Variants in NSUN3 observed in about 807,000 individuals in gnomAD.
NSUN3 encodes tRNA (cytosine(34)-C(5))-methyltransferase, mitochondrial.
A neutral mutation model predicts 36.8 loss-of-function variants in NSUN3; 24 were observed. The ratio of observed to expected loss-of-function variants is 0.65; its 90% confidence interval spans 0.47 to 0.92. The LOEUF (loss-of-function observed/expected upper bound fraction) is 0.92, where lower values mean the gene tolerates loss of function less well. NSUN3 is among the 40% of genes least tolerant of loss of function. The pLI is 0.00. For synonymous variants in NSUN3, 146 were observed against 145.2 expected, an observed-to-expected ratio of 1.01 and a Z score of -0.04; for missense variants, 381 against 392.8, an observed-to-expected ratio of 0.97 and a Z score of 0.25.
intron 5 of NSUN3, among the ~76,000 whole-genome samples, chr3:94,118,520 T>C (rs988974993): frequency 1.3e-5 from 2 of 152,142 alleles, no homozygotes; most frequent in Non-Finnish European, 2.9e-5. Flanking sequence ...TCATGCATTA[T>C]AGTTAGTGGT....
chr3:94,093,949 G>T (rs10934674), intron 3 of NSUN3, among the ~76,000 whole-genome samples, 191 bp from the exon 4 acceptor site: 27,427 of 152,132 alleles, frequency 0.18, 3,106 homozygotes, highest in Non-Finnish European at 0.24. Flanking sequence ...GTAGGTATGT[G>T]CATCTATATA....
At chr3:94,116,481 T>C (rs866341228) in intron 5 of NSUN3, among the ~76,000 whole-genome samples, 1 of 152,322 alleles carries the variant, frequency 6.6e-6, no homozygotes, top group Middle Eastern at 3.4e-3. Flanking sequence ...CAGTTTTCCT[T>C]AGAAAACTCT....
At position 94,129,742 on chromosome 3, in the gene NSUN3, C is replaced by CTTTTTTTTT. The variant is rs754390863; in HGVS notation, c.*3269_*3277dup. ...TCTATAAATTGTTTATATATGTTGT[C>CTTTTTTTTT]TTTTTTTTTTTTTTTTTTTTTTTTT... On this transcript the variant is annotated 3_prime_UTR_variant, in exon 6 of 6. Transcript: ENST00000314622. 3.3e-5 allele frequency among the ~76,000 whole-genome samples: 3 copies of CTTTTTTTTT among 89,926 alleles called. No individual in the cohort carries two copies. Among genetic ancestry groups the CTTTTTTTTT allele is most frequent in the African/African-American group, 8.8e-5 (2 of 22,828 alleles). The allele number at this position is 89,926 out of a possible 152,430, so 59.0% of individuals were successfully genotyped here.
intron 5 of NSUN3, among the ~76,000 whole-genome samples, chr3:94,108,320 C>A (rs1054192470): frequency 1.3e-5 from 2 of 152,144 alleles, no homozygotes; most frequent in Non-Finnish European, 2.9e-5. Context: ...CTCTTCCTGA[C>A]CTGCCTCTTA....
intron 1 of NSUN3, chr3:94,063,469 T>G (rs2077190277): frequency 3.1e-6 from 1 of 324,144 alleles, no homozygotes; most frequent in African/African-American, 2.1e-5. Flanking sequence ...CTTGGATGAA[T>G]AAATGAAACA....
At chr3:94,125,044 A>G (rs975030569) in intron 5 of NSUN3, among the ~76,000 whole-genome samples, 1 of 152,176 alleles carries the variant, frequency 6.6e-6, no homozygotes, top group Non-Finnish European at 1.5e-5. Context: ...AAATACTTCT[A>G]CAGAATATTC....
intron 5 of NSUN3, among the ~76,000 whole-genome samples, chr3:94,110,132 G>T (rs2077409802): frequency 1.3e-5 from 2 of 152,094 alleles, no homozygotes; most frequent in Non-Finnish European, 2.9e-5. Context: ...CCATTGTCTG[G>T]ACAAGAACAT....
intron 3 of NSUN3, among the ~76,000 whole-genome samples, chr3:94,092,082 T>G (rs1048621423): frequency 6.6e-6 from 1 of 152,220 alleles, no homozygotes; most frequent in African/African-American, 2.4e-5. Context: ...CCTTGGGTAC[T>G]GTCTGGTTTT....
chr3:94,075,882 T>C, intron 2 of NSUN3: 1 of 1,284,904 alleles, frequency 7.8e-7, no homozygotes, highest in Non-Finnish European at 1.1e-6. Flanking sequence ...AAGGGGAGTC[T>C]AAAATCACAA....
rs2077503576 is a variant in NSUN3, at chr3:94,130,012, C to T, written c.*3522C>T. Among the ~76,000 whole-genome samples, 1 of 151,984 alleles carries T rather than the reference C, an allele frequency of 6.6e-6. No individual in the cohort carries two copies. The highest frequency in any genetic ancestry group is 2.4e-5 in the African/African-American group (1 of 41,384). On this transcript the variant is annotated 3_prime_UTR_variant, in exon 6 of 6. Coordinates refer to ENST00000314622, the MANE Select transcript of NSUN3 (RefSeq NM_022072.5). ...CTTGTCATCCACCTGCCTCAGCCTC[C>T]CAAAGTGCTGGGATTACAGGCGTGA...
chr3:94,064,616 G>A, intron 2 of NSUN3, 70 bp downstream of exon 2: 1 of 966,774 alleles, frequency 1.0e-6, no homozygotes, highest in Non-Finnish European at 1.6e-6. Flanking sequence ...TTTTGTGGGA[G>A]GGATGCTGTG....
Position 94,094,277 on chromosome 3 carries a change from C to G in NSUN3, c.604C>G (p.Pro202Ala). ...LDGRKMGDAQ[P>A]EMFDKVLVDA... ...TGGCAGAAAAATGGGAGATGCCCAGCCTGAAATGTTTGACAAGGTACTTTT... is the reference window on the plus strand; with the variant it reads ...TGGCAGAAAAATGGGAGATGCCCAGGCTGAAATGTTTGACAAGGTACTTTT... The change falls in exon 4 of 6, where the codon CCT becomes GCT. Residue 202 changes from proline to alanine, a missense_variant. Coordinates refer to ENST00000314622, the MANE Select transcript of NSUN3 (RefSeq NM_022072.5). The G allele has an allele frequency of 1.2e-6, 2 of 1,612,214 alleles. No homozygotes were observed. Among genetic ancestry groups the G allele is most frequent in the Non-Finnish European group, 1.7e-6 (2 of 1,179,442 alleles).
rs980653501 is a variant in NSUN3, at chr3:94,126,468, C to A, written c.1001C>A (p.Ser334Ter). Residue 334 changes from serine to a stop codon, truncating the protein, a stop_gained, in exon 6 of 6, where the codon TCA (serine) becomes TAA (stop). Coordinates refer to ENST00000314622, the MANE Select transcript of NSUN3 (RefSeq NM_022072.5). LOFTEE classifies it low-confidence loss of function (END_TRUNC). ...ATGTATGTAGCCAAATTGAAGAAAT[C>A]ATGGAGCACAGGAAAATGGTGACAT... The part of the protein sequence containing the change: ...GPMYVAKLKK[S>*]WSTGKW The A allele has an allele frequency of 2.5e-6, 4 of 1,608,930 alleles. No individual in the cohort carries two copies. In the African/African-American group the frequency reaches 5.3e-5, roughly 22 times the overall value.
intron 5 of NSUN3, among the ~76,000 whole-genome samples, chr3:94,116,218 T>G (rs2077439659): frequency 6.6e-6 from 1 of 152,212 alleles, no homozygotes. Context: ...CATTCTCACC[T>G]TGTTTTAAGC....
intron 1 of NSUN3, 69 bp from the exon 2 acceptor site, chr3:94,064,368 T>G: frequency 1.1e-6 from 1 of 917,162 alleles, no homozygotes; most frequent in South Asian, 1.4e-5. Context: ...AAAAAAGACC[T>G]TGCTAATGTT....
At position 94,094,195 on chromosome 3, in the gene NSUN3, G is replaced by C. The variant is rs1042536030; in HGVS notation, c.522G>C (p.Thr174=). ...DSLRLRWLRQ[T]LESFIPQPLI... ...TGAGATTGAGGTGGCTAAGGCAGAC[G>C]TTGGAATCTTTCATCCCACAGCCTT... The change falls in exon 4 of 6, where the codon ACG becomes ACC. Residue 174 remains threonine (T), a synonymous_variant. Transcript: ENST00000314622. 39 of 1,613,080 alleles carry C rather than the reference G, an allele frequency of 2.4e-5. No individual in the cohort carries two copies. The highest frequency in any genetic ancestry group is 3.2e-5 in the Non-Finnish European group (38 of 1,179,424).
At chr3:94,115,156 A>G (rs979173743) in intron 5 of NSUN3, among the ~76,000 whole-genome samples, 1 of 152,196 alleles carries the variant, frequency 6.6e-6, no homozygotes, top group African/African-American at 2.4e-5. Flanking sequence ...TCTTTTCTAC[A>G]TAAGTTGCAG....
chr3:94,099,067 A>G (rs2077354559), intron 5 of NSUN3, among the ~76,000 whole-genome samples: 1 of 152,190 alleles, frequency 6.6e-6, no homozygotes, highest in South Asian at 2.1e-4. Context: ...CGGGTTGAGT[A>G]TTTAGAATTT....
intron 3 of NSUN3, among the ~76,000 whole-genome samples, chr3:94,092,740 CTAAAAATACAAAAATT>C (rs1224712542): frequency 6.6e-6 from 1 of 151,672 alleles, no homozygotes; most frequent in Non-Finnish European, 1.5e-5. Flanking sequence ...CCCGTCTCTA[CTAAAAATACAAAAATT>C]TAAAAATACA....
Sources: allele counts gnomAD v4.1 joint callset (sites outside exome capture counted in the v4.1 genomes callset), GRCh38; gene constraint gnomAD v4.1.1; transcripts MANE v1.5; gene names NCBI Gene and HGNC (gene_info 2026-07-23, HGNC 2026-07-21).